Variants in HSF5 observed in about 807,000 individuals in gnomAD.
HSF5 encodes the protein heat shock factor protein 5.
A neutral mutation model predicts 50.8 loss-of-function variants in HSF5; 5 were observed. The observed-to-expected ratio is 0.10, with a 90% CI of 0.05 to 0.21. The LOEUF (loss-of-function observed/expected upper bound fraction) is 0.21. Among genes scored for constraint, HSF5 ranks in the 10% least tolerant of loss-of-function variants. HSF5 has a pLI of 1.00. For missense variants in HSF5, 564 were observed against 762.6 expected (o/e 0.74, Z 3.07); for synonymous variants, 307 against 307.4 (o/e 1.00, Z 0.02).
chr17:58,424,201 T>A (rs1049512436), intron 5 of HSF5, among the ~76,000 whole-genome samples: 1 of 151,996 alleles, frequency 6.6e-6, no homozygotes, highest in Non-Finnish European at 1.5e-5. Context: ...AGCAGTATAA[T>A]CAGCAGTATT....
Position 58,480,278 on chromosome 17 carries a change from G to A in HSF5, c.551-11C>T. ...CTACAGCCACTGGTCCTACATAAAA[G>A]AGGAAGAGCACATTTACTAATTTTG... On this transcript the variant is annotated splice_polypyrimidine_tract_variant and intron_variant, in intron 1 of 5. Coordinates refer to ENST00000323777, the MANE Select transcript of HSF5 (RefSeq NM_001080439.3). The A allele has an allele frequency of 6.3e-7, 1 of 1,583,958 alleles. No individual in the cohort carries two copies. Among genetic ancestry groups the A allele is most frequent in the Non-Finnish European group, 8.6e-7 (1 of 1,165,532 alleles).
chr17:58,466,590 T>C (rs1974869906), intron 3 of HSF5, among the ~76,000 whole-genome samples: 1 of 152,236 alleles, frequency 6.6e-6, no homozygotes, highest in Non-Finnish European at 1.5e-5. Flanking sequence ...TATTGAGTAC[T>C]TGAAATGTGA....
At chr17:58,465,408 G>C (rs534085129) in intron 3 of HSF5, among the ~76,000 whole-genome samples, 1 of 151,970 alleles carries the variant, frequency 6.6e-6, no homozygotes, top group Non-Finnish European at 1.5e-5. Flanking sequence ...CACTGCCATA[G>C]TATCTCCAGC....
chr17:58,440,817 C>G (rs1481008390), intron 5 of HSF5, among the ~76,000 whole-genome samples: 1 of 152,118 alleles, frequency 6.6e-6, no homozygotes, highest in African/African-American at 2.4e-5. Context: ...GAAAAATAAT[C>G]AAATTAATAA....
chr17:58,452,759 G>A (rs1353134980), intron 5 of HSF5, among the ~76,000 whole-genome samples: 3 of 152,230 alleles, frequency 2.0e-5, no homozygotes, highest in African/African-American at 4.8e-5. Context: ...TGGCCTCCAC[G>A]CCACCCTCCA....
chr17:58,472,020 A>T (rs1044560951), intron 2 of HSF5, among the ~76,000 whole-genome samples: 12 of 151,054 alleles, frequency 7.9e-5, no homozygotes, highest in Admixed American at 4.0e-4. Context: ...TGCCTGGCTA[A>T]TTTTTTTTGG....
At chr17:58,451,444 A>C (rs150779404) in intron 5 of HSF5, among the ~76,000 whole-genome samples, 46 of 152,336 alleles carry the variant, frequency 3.0e-4, no homozygotes, top group South Asian at 2.1e-3. Context: ...TAGGCCATAA[A>C]AGAAGTCTTA....
chr17:58,444,997 A>T (rs971494981), intron 5 of HSF5, among the ~76,000 whole-genome samples: 1 of 152,186 alleles, frequency 6.6e-6, no homozygotes, highest in African/African-American at 2.4e-5. Context: ...AAACATCACT[A>T]ATTATCAGAG....
chr17:58,439,091 C>A (rs149024092), intron 5 of HSF5, among the ~76,000 whole-genome samples: 2 of 151,310 alleles, frequency 1.3e-5, no homozygotes, highest in African/African-American at 2.4e-5. Context: ...GAGCTATGAT[C>A]GTGCCAGACT....
chr17:58,460,478 TACACAC>T (rs34994266), intron 4 of HSF5, among the ~76,000 whole-genome samples: 1 of 137,660 alleles, frequency 7.3e-6, no homozygotes, highest in South Asian at 2.3e-4. Flanking sequence ...TACATATATA[TACACAC>T]ACACACACAC....
intron 4 of HSF5, among the ~76,000 whole-genome samples, chr17:58,461,955 A>C (rs1001725437): frequency 6.6e-6 from 1 of 152,156 alleles, no homozygotes; most frequent in Non-Finnish European, 1.5e-5. Context: ...GATATACTGC[A>C]TAGTGGTGAA....
At chr17:58,486,201 T>TA in intron 1 of HSF5, among the ~76,000 whole-genome samples, 1 of 151,948 alleles carries the variant, frequency 6.6e-6, no homozygotes, top group Non-Finnish European at 1.5e-5. Context: ...TCGTCTCTAC[T>TA]AAAAAATATA....
intron 3 of HSF5, 55 bp downstream of exon 3, chr17:58,466,830 A>G: frequency 9.6e-7 from 1 of 1,040,750 alleles, no homozygotes. Context: ...ATTTTGCAAT[A>G]TCGATAAAAT....
intron 5 of HSF5, among the ~76,000 whole-genome samples, chr17:58,457,554 C>T (rs980818678): frequency 1.6e-4 from 24 of 151,968 alleles, no homozygotes; most frequent in Non-Finnish European, 2.6e-4. Context: ...AGCCAAGATG[C>T]GCCACTGCAT....
At chr17:58,484,510 T>C (rs537408525) in intron 1 of HSF5, among the ~76,000 whole-genome samples, 2 of 152,354 alleles carry the variant, frequency 1.3e-5, no homozygotes, top group African/African-American at 4.8e-5. Flanking sequence ...TGGATGTTTC[T>C]TTGTTTGAAG....
At chr17:58,486,476 T>C (rs1050180950) in intron 1 of HSF5, among the ~76,000 whole-genome samples, 22 of 152,256 alleles carry the variant, frequency 1.4e-4, no homozygotes, top group African/African-American at 5.1e-4. Flanking sequence ...TGAAAGATTG[T>C]AGCCAATAGT....
chr17:58,479,788 C>G, intron 2 of HSF5, 105 bp downstream of exon 2: 1 of 968,860 alleles, frequency 1.0e-6, no homozygotes, highest in Non-Finnish European at 1.5e-6. Context: ...TACATTCCTA[C>G]TGTTTGTGTT....
At chr17:58,440,536 C>G (rs1397875390) in intron 5 of HSF5, among the ~76,000 whole-genome samples, 2 of 152,170 alleles carry the variant, frequency 1.3e-5, no homozygotes, top group Non-Finnish European at 2.9e-5. Context: ...TTTTCAAATA[C>G]TATTCTTCAA....
Position 58,488,298 on chromosome 17 carries a change from C to A in HSF5, c.-24G>T. On this transcript the variant is annotated 5_prime_UTR_variant, in exon 1 of 6. Transcript: ENST00000323777. The surrounding 1 kb of genome is among the most constrained non-coding windows in gnomAD (Gnocchi z 4.1). The stretch of plus-strand genomic sequence containing the variant: ...ATCGCCCCGCCGGGCCGGGGCCTCG[C>A]CCCCCGAGCCTAGCTCTCCCACACC... 1 of 1,450,874 alleles carries A rather than the reference C, an allele frequency of 6.9e-7. No homozygotes were observed. Among genetic ancestry groups the A allele is most frequent in the Non-Finnish European group, 9.0e-7 (1 of 1,114,378 alleles). The allele number at this position is 1,450,874 out of a possible 1,614,324, so 89.9% of individuals were successfully genotyped here. A position where few individuals can be genotyped will look rare whatever the true frequency, so the allele number is the denominator to read the frequency against.
Sources: allele counts gnomAD v4.1 joint callset (sites outside exome capture counted in the v4.1 genomes callset), GRCh38; gene constraint gnomAD v4.1.1; non-coding constraint Gnocchi (gnomAD v3.1); transcripts MANE v1.5; gene names NCBI Gene and HGNC (gene_info 2026-07-23, HGNC 2026-07-21).